Variants in ACAD11 observed in about 807,000 individuals in gnomAD.
ACAD11 encodes the protein acyl-Coenzyme A dehydrogenase family, member 11.
Under a neutral mutation model 102.2 loss-of-function variants are expected in ACAD11, and 83 were observed. The observed-to-expected ratio is 0.81, with a 90% CI of 0.68 to 0.97. The LOEUF is 0.97. ACAD11 is among the 50% of genes least tolerant of loss of function. The pLI is 0.00. For missense variants in ACAD11, 901 were observed against 951.7 expected (o/e 0.95, Z 0.70); for synonymous variants, 324 against 319.8 (o/e 1.01, Z -0.14).
At chr3:132,636,104 C>A (rs1041072572) in intron 5 of ACAD11, among the ~76,000 whole-genome samples, 2 of 152,056 alleles carry the variant, frequency 1.3e-5, no homozygotes, top group African/African-American at 2.4e-5. Flanking sequence ...AAACACAAAG[C>A]TATAAAACAA....
At chr3:132,569,024 C>G (rs183573891) in intron 17 of ACAD11, among the ~76,000 whole-genome samples, 11 of 151,708 alleles carry the variant, frequency 7.3e-5, no homozygotes, top group Admixed American at 4.6e-4. Context: ...AAATTAAACA[C>G]TTTTGTTCTG....
chr3:132,621,860 T>A (rs940448543), intron 9 of ACAD11, among the ~76,000 whole-genome samples: 1 of 151,260 alleles, frequency 6.6e-6, no homozygotes, highest in Non-Finnish European at 1.5e-5. Context: ...ATGGCTATAG[T>A]CCCAGCTACT....
intron 17 of ACAD11, among the ~76,000 whole-genome samples, chr3:132,571,418 T>C (rs947140965): frequency 6.0e-5 from 9 of 150,912 alleles, no homozygotes; most frequent in African/African-American, 2.0e-4. Context: ...CAGATGCAAA[T>C]AGTTTGCTAA....
intron 11 of ACAD11, among the ~76,000 whole-genome samples, chr3:132,611,725 G>A (rs1413408587): frequency 6.6e-6 from 1 of 151,906 alleles, no homozygotes; most frequent in Non-Finnish European, 1.5e-5. Context: ...AAATAAAAGA[G>A]GATACAAAGA....
intron 17 of ACAD11, among the ~76,000 whole-genome samples, chr3:132,562,672 T>C (rs1937097012): frequency 1.3e-5 from 2 of 152,370 alleles, no homozygotes; most frequent in Admixed American, 6.5e-5. Context: ...ATTTCTGTAA[T>C]GGCTACTGCT....
rs1159006355 is a variant in ACAD11, at chr3:132,656,364, A to G, written c.149+3239T>C. ...TATCTATGAGTAGAACTGCTAGGTCATAGGTCATGTGTATCTTCCCAACTT... is the reference window on the plus strand; with the variant it reads ...TATCTATGAGTAGAACTGCTAGGTCGTAGGTCATGTGTATCTTCCCAACTT... On this transcript the variant is annotated intron_variant, in intron 1 of 19. Coordinates refer to ENST00000264990, the MANE Select transcript of ACAD11 (RefSeq NM_032169.5). 2.6e-5 allele frequency among the ~76,000 whole-genome samples: 4 copies of G among 152,214 alleles called. No individual in the cohort carries two copies. In the East Asian group the frequency reaches 7.7e-4, roughly 29 times the overall value.
chr3:132,632,295 C>A (rs886248006), intron 5 of ACAD11, among the ~76,000 whole-genome samples: 6 of 152,056 alleles, frequency 3.9e-5, no homozygotes, highest in African/African-American at 1.2e-4. Context: ...CCATGTTCGC[C>A]AGGATGGTCT....
intron 11 of ACAD11, among the ~76,000 whole-genome samples, chr3:132,612,818 C>T (rs1172471305): frequency 2.6e-5 from 4 of 151,958 alleles, no homozygotes; most frequent in Admixed American, 2.0e-4. Flanking sequence ...GTCAGTATGG[C>T]GATTCCTCAG....
intron 5 of ACAD11, among the ~76,000 whole-genome samples, chr3:132,632,355 T>A (rs954423163): frequency 6.6e-6 from 1 of 152,180 alleles, no homozygotes; most frequent in African/African-American, 2.4e-5. Flanking sequence ...AAAGGGAATA[T>A]ATATCTTCAT....
intron 5 of ACAD11, among the ~76,000 whole-genome samples, chr3:132,632,760 G>C (rs1000863999): frequency 6.6e-5 from 10 of 152,066 alleles, no homozygotes; most frequent in African/African-American, 2.4e-4. Context: ...TCATTGAGCA[G>C]TGGTTTGTAG....
At chr3:132,613,554 G>C (rs1939262680) in intron 11 of ACAD11, among the ~76,000 whole-genome samples, 1 of 152,062 alleles carries the variant, frequency 6.6e-6, no homozygotes. Context: ...GATAGGAAGA[G>C]AGGAAGTCAA....
At chr3:132,580,640 G>A (rs1937584458) in intron 13 of ACAD11, among the ~76,000 whole-genome samples, 1 of 151,938 alleles carries the variant, frequency 6.6e-6, no homozygotes, top group Non-Finnish European at 1.5e-5. Context: ...AGTAATTTTA[G>A]GTGTGCTAAT....
intron 13 of ACAD11, among the ~76,000 whole-genome samples, chr3:132,581,926 T>G (rs997809084): frequency 6.6e-6 from 1 of 152,044 alleles, no homozygotes; most frequent in African/African-American, 2.4e-5. Context: ...TGTAGTCAAC[T>G]ACAGTTGTGG....
intron 12 of ACAD11, 78 bp downstream of exon 12, chr3:132,605,020 T>G: frequency 1.8e-6 from 2 of 1,087,054 alleles, no homozygotes; most frequent in South Asian, 3.2e-5. Context: ...CAGAACCACA[T>G]CCTGTATTTC....
chr3:132,584,469 G>A (rs1013869937), intron 13 of ACAD11, among the ~76,000 whole-genome samples: 1 of 152,064 alleles, frequency 6.6e-6, no homozygotes, highest in Admixed American at 6.6e-5. Flanking sequence ...ACGTGAGATG[G>A]GTTTCCTGAA....
rs200338394 is a variant in ACAD11 at position 132,558,909 on chromosome 3, G to T, written c.*62C>A. The T allele has an allele frequency of 8.4e-7, 1 of 1,190,656 alleles. No homozygotes were observed. The highest frequency in any genetic ancestry group is 1.2e-6 in the Non-Finnish European group (1 of 817,986). 73.8% of individuals were successfully genotyped at this position (1,190,656 alleles called of 1,614,324 possible). A position where few individuals can be genotyped will look rare whatever the true frequency, so the allele number is the denominator to read the frequency against. On this transcript the variant is annotated 3_prime_UTR_variant, in exon 20 of 20. Coordinates refer to ENST00000264990, the MANE Select transcript of ACAD11 (RefSeq NM_032169.5). The stretch of plus-strand genomic sequence containing the variant: ...ACAAAAATATGAGATTCAAATGTTG[G>T]AGCCAATGAAGTTTGTATAAAGGAG...
rs114575187 is a variant in ACAD11, at chr3:132,604,260, A to C, written c.1522+838T>G. 3.1e-3 allele frequency among the ~76,000 whole-genome samples: 471 copies of C among 152,246 alleles called. 4 individuals are homozygous for C. The highest frequency in any genetic ancestry group is 0.011 in the African/African-American group (447 of 41,568). ...AGTGTACCATTCTGAGTATTGTTAT[A>C]ATTGTTCTATTTTATTATTAGTTAT... On this transcript the variant is annotated intron_variant, in intron 12 of 19. Transcript: ENST00000264990.
At chr3:132,656,998 CTT>C (rs1031656965) in intron 1 of ACAD11, among the ~76,000 whole-genome samples, 33 of 151,980 alleles carry the variant, frequency 2.2e-4, no homozygotes, top group African/African-American at 8.0e-4. Context: ...TTTCTTCTGT[CTT>C]TTCACTTTAA....
In ACAD11 at chr3:132,628,362, T is replaced by C; in HGVS notation, c.1048A>G (p.Thr350Ala). The C allele has an allele frequency of 3.1e-6, 5 of 1,612,912 alleles. No individual in the cohort carries two copies. The highest frequency in any genetic ancestry group is 4.2e-6 in the Non-Finnish European group (5 of 1,179,582). The change falls in exon 8 of 20, where the codon ACT becomes GCT. Residue 350 changes from threonine (T) to alanine (A), a missense_variant. Coordinates refer to ENST00000264990, the MANE Select transcript of ACAD11 (RefSeq NM_032169.5). ...TACCGTTTGGAGAGTTGTAGTCCAG[T>C]TTCTGCCAGAGGTTGCACAATATTG... ...FANIVQPLAE[T>A]GLQLSKRTFS...
Sources: allele counts gnomAD v4.1 joint callset (sites outside exome capture counted in the v4.1 genomes callset), GRCh38; gene constraint gnomAD v4.1.1; transcripts MANE v1.5; gene names NCBI Gene and HGNC (gene_info 2026-07-23, HGNC 2026-07-21).